The following TDP1 variants were observed in gnomAD, a reference collection of about 807,000 sequenced individuals.
TDP1 encodes tyr-DNA phosphodiesterase 1.
TDP1 carries 64 observed loss-of-function variants against 81.5 expected under a neutral mutation model. That is an observed-to-expected ratio of 0.79 (90% CI 0.64 to 0.97). The LOEUF is 0.97. TDP1 is among the 50% of genes least tolerant of loss of function. The pLI, the probability that TDP1 is intolerant of heterozygous loss-of-function variation, is 0.00. For synonymous variants in TDP1, 256 were observed against 264.3 expected (o/e 0.97, Z 0.30); for missense variants, 723 against 743.8 (o/e 0.97, Z 0.33).
intron 14 of TDP1, among the ~76,000 whole-genome samples, chr14:90,001,230 AT>A (rs1051959602): frequency 6.6e-6 from 1 of 152,206 alleles, no homozygotes; most frequent in African/African-American, 2.4e-5. Context: ...GCTAGCCTTA[AT>A]ATAGTTTTTA....
At chr14:89,981,711 G>A (rs775490992) in intron 8 of TDP1, among the ~76,000 whole-genome samples, 109 of 151,802 alleles carry the variant, frequency 7.2e-4, no homozygotes, top group South Asian at 4.2e-4. Context: ...TTTTTGAGAC[G>A]GTCTCACTCT....
At chr14:89,966,425 A>G (rs1336496109) in intron 4 of TDP1, among the ~76,000 whole-genome samples, 2 of 152,222 alleles carry the variant, frequency 1.3e-5, no homozygotes, top group South Asian at 4.1e-4. Flanking sequence ...TCCGCTGGCC[A>G]AGAAGTCACT....
At chr14:89,987,407 A>AT (rs1256265156) in intron 10 of TDP1, among the ~76,000 whole-genome samples, 1 of 152,192 alleles carries the variant, frequency 6.6e-6, no homozygotes, top group African/African-American at 2.4e-5. Flanking sequence ...AAAAAAAGTT[A>AT]TTTTTTATTC....
intron 15 of TDP1, among the ~76,000 whole-genome samples, chr14:90,027,272 C>G (rs1409542731): frequency 2.0e-5 from 3 of 152,146 alleles, no homozygotes; most frequent in Admixed American, 2.0e-4. Context: ...CACCTTCTCT[C>G]TCCCCTGGAT....
chr14:90,032,907 T>C, intron 15 of TDP1, 199 bp from the exon 16 acceptor site: 1 of 964,748 alleles, frequency 1.0e-6, no homozygotes, highest in Non-Finnish European at 1.2e-6. Flanking sequence ...AAATTAAAGC[T>C]CTTATGTTTA....
At chr14:90,022,318 G>C (rs1447615847) in intron 15 of TDP1, among the ~76,000 whole-genome samples, 1 of 152,252 alleles carries the variant, frequency 6.6e-6, no homozygotes, top group Non-Finnish European at 1.5e-5. Flanking sequence ...ATGCTGGGGG[G>C]ATGTCATGGG....
At chr14:89,986,617 C>T (rs1047940245) in intron 10 of TDP1, among the ~76,000 whole-genome samples, 2 of 152,208 alleles carry the variant, frequency 1.3e-5, no homozygotes, top group Non-Finnish European at 2.9e-5. Context: ...CCAGGAAGGC[C>T]GGCCGGTGAT....
chr14:89,984,384 G>A (rs1222894845), intron 8 of TDP1, 132 bp from the exon 9 acceptor site: 3 of 1,568,324 alleles, frequency 1.9e-6, no homozygotes, highest in Non-Finnish European at 2.6e-6. Flanking sequence ...TATGTTTCAT[G>A]TTTCCTAAGA....
rs767243631 is a variant in TDP1 at position 90,033,233 on chromosome 14, A to G, written c.1753+19A>G. ...AGTAAAGGTGAGACACAGATAAAGGAAAACCACGGGTGGATATGCATAAGA... is the reference window on the plus strand; with the variant it reads ...AGTAAAGGTGAGACACAGATAAAGGGAAACCACGGGTGGATATGCATAAGA... On this transcript the variant is annotated intron_variant, in intron 16 of 16. Coordinates refer to ENST00000335725, the MANE Select transcript of TDP1 (RefSeq NM_018319.4). 10 of 1,404,844 alleles carry G rather than the reference A, an allele frequency of 7.1e-6. No homozygotes were observed. The highest frequency in any genetic ancestry group is 3.4e-5 in the Admixed American group (2 of 59,626). 87.0% of individuals were successfully genotyped at this position (1,404,844 alleles called of 1,614,324 possible).
At chr14:90,038,567 G>C (rs1555398552) in intron 16 of TDP1, among the ~76,000 whole-genome samples, 1 of 152,192 alleles carries the variant, frequency 6.6e-6, no homozygotes, top group Non-Finnish European at 1.5e-5. Flanking sequence ...GCTGGATGTG[G>C]TGGCTCACAC....
At chr14:90,001,580 T>C (rs908257013) in intron 14 of TDP1, among the ~76,000 whole-genome samples, 2 of 152,248 alleles carry the variant, frequency 1.3e-5, no homozygotes, top group East Asian at 1.9e-4. Context: ...TTGGCTAATA[T>C]AGTGCCTAGT....
At chr14:89,988,570 TA>T in intron 10 of TDP1, 13 of 978,766 alleles carry the variant, frequency 1.3e-5, no homozygotes, top group South Asian at 4.7e-5. Context: ...TGATTTCAAG[TA>T]AAAAAAATCT....
At chr14:89,999,675 C>G (rs1188982880) in intron 14 of TDP1, among the ~76,000 whole-genome samples, 3 of 152,164 alleles carry the variant, frequency 2.0e-5, no homozygotes, top group African/African-American at 7.2e-5. Context: ...ACATGATAGA[C>G]TTTAAAAAAT....
intron 15 of TDP1, among the ~76,000 whole-genome samples, chr14:90,023,925 TC>T (rs1386403807): frequency 6.6e-6 from 1 of 152,146 alleles, no homozygotes; most frequent in African/African-American, 2.4e-5. Flanking sequence ...CTTCTCAGCC[TC>T]CCAAAAGATC....
At chr14:90,033,703 CAA>C (rs1263304688) in intron 16 of TDP1, 1 of 175,022 alleles carries the variant, frequency 5.7e-6, no homozygotes, top group Non-Finnish European at 1.2e-5. Flanking sequence ...TCATAAAGGT[CAA>C]AAGGTCATTA....
chr14:89,999,446 A>T (rs1302785315), intron 14 of TDP1, among the ~76,000 whole-genome samples: 1 of 152,216 alleles, frequency 6.6e-6, no homozygotes, highest in Non-Finnish European at 1.5e-5. Flanking sequence ...AGTTTTAAGA[A>T]TTGGATTTTA....
chr14:90,015,191 G>A (rs557429283), intron 14 of TDP1, among the ~76,000 whole-genome samples: 1 of 152,270 alleles, frequency 6.6e-6, no homozygotes, highest in South Asian at 2.1e-4. Flanking sequence ...AGCTAATGGG[G>A]AAGCTGAGAC....
At chr14:90,022,978 C>T (rs1005303307) in intron 15 of TDP1, 1 of 743,560 alleles carries the variant, frequency 1.3e-6, no homozygotes, top group Admixed American at 1.8e-5. Flanking sequence ...CTGGGACTAC[C>T]CACCTCCATA....
chr14:90,020,361 T>TCCCC (rs1885837277), intron 15 of TDP1, among the ~76,000 whole-genome samples: 1 of 88,296 alleles, frequency 1.1e-5, no homozygotes, highest in African/African-American at 4.3e-5. Flanking sequence ...CCTTCCTCCC[T>TCCCC]CCCTCCCTCC....
Sources: allele counts gnomAD v4.1 joint callset (sites outside exome capture counted in the v4.1 genomes callset), GRCh38; gene constraint gnomAD v4.1.1; transcripts MANE v1.5; gene names NCBI Gene and HGNC (gene_info 2026-07-23, HGNC 2026-07-21).